The following HACE1 variants were observed in gnomAD, a reference collection of about 807,000 sequenced individuals.
HACE1 encodes the protein E3 ubiquitin-protein ligase HACE1.
A neutral mutation model predicts 118.4 loss-of-function variants in HACE1; 73 were observed. The ratio of observed to expected loss-of-function variants is 0.62; its 90% CI spans 0.51 to 0.75. The LOEUF is 0.75. HACE1 is among the 30% of genes least tolerant of loss of function. HACE1 has a pLI of 0.00. For missense variants in HACE1, 749 were observed against 1,102.2 expected (o/e 0.68, Z 4.54); for synonymous variants, 368 against 374.8 (o/e 0.98, Z 0.21).
chr6:104,827,902 T>C (rs1250060047), intron 6 of HACE1, among the ~76,000 whole-genome samples: 4 of 152,148 alleles, frequency 2.6e-5, no homozygotes, highest in Non-Finnish European at 5.9e-5. Context: ...TGAAGCTTTG[T>C]ATTTAGTTAC....
chr6:104,850,642 G>T (rs1327700935), intron 3 of HACE1, among the ~76,000 whole-genome samples: 1 of 152,182 alleles, frequency 6.6e-6, no homozygotes, highest in Non-Finnish European at 1.5e-5. Flanking sequence ...GTACCAGTAA[G>T]TACATCCAGG....
At position 104,859,854 on chromosome 6, in the gene HACE1, C is replaced by A; in HGVS notation, c.-212G>T. 3 of 502,688 alleles carry A rather than the reference C, an allele frequency of 6.0e-6. No individual in the cohort carries two copies. The South Asian group carries it at 7.8e-5, about 13-fold the overall frequency. 31.1% of individuals were successfully genotyped at this position (502,688 alleles called of 1,614,324 possible). On this transcript the variant is annotated 5_prime_UTR_variant, in exon 1 of 24. Transcript: ENST00000262903. Reference sequence around the variant, plus strand: ...CGACCACCTACAGTACACCCGCCGCCGCCTCTGCTCGCGCCTTTCCTGCAG... The same window carrying A: ...CGACCACCTACAGTACACCCGCCGCAGCCTCTGCTCGCGCCTTTCCTGCAG...
At chr6:104,830,363 C>T (rs912427738) in intron 6 of HACE1, among the ~76,000 whole-genome samples, 14 of 152,010 alleles carry the variant, frequency 9.2e-5, no homozygotes, top group African/African-American at 3.4e-4. Flanking sequence ...TACTTGAAAA[C>T]ACTGCATTGG....
At chr6:104,820,140 A>C (rs1772544219) in intron 6 of HACE1, among the ~76,000 whole-genome samples, 1 of 150,168 alleles carries the variant, frequency 6.7e-6, no homozygotes, top group Non-Finnish European at 1.5e-5. Flanking sequence ...GTTTGCAGTG[A>C]GCCGAGATTG....
chr6:104,732,791 CA>C (rs1212008037), intron 22 of HACE1, among the ~76,000 whole-genome samples: 1 of 152,136 alleles, frequency 6.6e-6, no homozygotes, highest in East Asian at 1.9e-4. Context: ...GGGAAAAAAA[CA>C]TTTAACAATC....
chr6:104,796,747 C>T lies in HACE1; in HGVS notation c.724G>A (p.Gly242Arg). The change falls in exon 9 of 24, where the codon GGA becomes AGA. Residue 242 changes from glycine (G) to arginine (R), a missense_variant. By Grantham distance (125) the Gly-to-Arg change is moderately radical (BLOSUM62 -2). Around this residue, in one of 5 missense-constraint regions of HACE1, gnomAD observed 267 missense variants for 312.2 expected, o/e 0.86. Transcript: ENST00000262903. ...PLDLCVQGGY[G>R]ETCEVLIQYH... ...TGAATTAATACTTCACAAGTCTCTC[C>T]ATATCCACCCTAAAAACAAGATCTA... 1 of 1,556,140 alleles carries T rather than the reference C, an allele frequency of 6.4e-7. No homozygotes were observed. The highest frequency in any genetic ancestry group is 8.9e-7 in the Non-Finnish European group (1 of 1,128,164).
intron 1 of HACE1, chr6:104,859,290 CCCTAATCGACAGACGTTGCGAGA>C (rs1298562357): frequency 2.3e-6 from 1 of 430,338 alleles, no homozygotes. Flanking sequence ...TTGCCAAGAC[CCCTAATCGACAGACGTTGCGAGA>C]CCTTTGTCTC....
intron 22 of HACE1, among the ~76,000 whole-genome samples, chr6:104,741,820 C>T (rs1243736197): frequency 6.8e-6 from 1 of 147,778 alleles, no homozygotes; most frequent in Non-Finnish European, 1.5e-5. Context: ...CTTTAAAGTT[C>T]ATATGGAACC....
chr6:104,838,537 T>C (rs967644543), intron 5 of HACE1, among the ~76,000 whole-genome samples: 1 of 152,048 alleles, frequency 6.6e-6, no homozygotes, highest in Non-Finnish European at 1.5e-5. Context: ...CCTATATCTC[T>C]TGCCATATAC....
chr6:104,844,560 G>C (rs1775454042), intron 4 of HACE1, among the ~76,000 whole-genome samples: 1 of 150,602 alleles, frequency 6.6e-6, no homozygotes, highest in African/African-American at 2.5e-5. Context: ...GGACAGGCTG[G>C]TCTTGAACTC....
intron 7 of HACE1, among the ~76,000 whole-genome samples, chr6:104,801,973 G>A (rs1380540499): frequency 2.2e-5 from 3 of 133,446 alleles, no homozygotes; most frequent in Non-Finnish European, 3.1e-5. Context: ...CTCACCTGCA[G>A]AAACACACAT....
chr6:104,855,582 ATATTTC>A (rs1776642966), intron 1 of HACE1, among the ~76,000 whole-genome samples: 1 of 152,154 alleles, frequency 6.6e-6, no homozygotes, highest in Non-Finnish European at 1.5e-5. Flanking sequence ...TTATCCTCTT[ATATTTC>A]TTTTTTTAAA....
intron 7 of HACE1, among the ~76,000 whole-genome samples, chr6:104,809,726 A>G (rs1279257626): frequency 6.6e-6 from 1 of 150,984 alleles, no homozygotes. Flanking sequence ...CATAGGAATC[A>G]GGGAGACCAG....
intron 1 of HACE1, among the ~76,000 whole-genome samples, chr6:104,852,836 T>A (rs933652744): frequency 1.3e-5 from 2 of 152,182 alleles, no homozygotes; most frequent in African/African-American, 4.8e-5. Context: ...ATTAAATATA[T>A]ATATGCTAAA....
chr6:104,742,399 C>T (rs1776849867), intron 22 of HACE1, among the ~76,000 whole-genome samples: 2 of 149,086 alleles, frequency 1.3e-5, no homozygotes, highest in Non-Finnish European at 3.0e-5. Context: ...AGAAAATTTT[C>T]ACAACCTACT....
intron 7 of HACE1, among the ~76,000 whole-genome samples, chr6:104,799,426 T>C (rs1770050130): frequency 2.0e-5 from 3 of 152,226 alleles, no homozygotes; most frequent in African/African-American, 7.2e-5. Flanking sequence ...GCTCATTACT[T>C]ACAAATTGCT....
At chr6:104,744,658 A>G in intron 20 of HACE1, 48 bp from the exon 21 acceptor site, 1 of 1,084,812 alleles carries the variant, frequency 9.2e-7, no homozygotes, top group African/African-American at 1.6e-5. Context: ...TAGGGAAAAA[A>G]GTTATTATAT....
At chr6:104,849,101 G>T in intron 4 of HACE1, 41 bp downstream of exon 4, 1 of 1,106,910 alleles carries the variant, frequency 9.0e-7, no homozygotes, top group Non-Finnish European at 1.4e-6. Context: ...TTGAATAACT[G>T]ATAATACAAC....
Position 104,859,610 on chromosome 6 carries a change from C to T in HACE1, c.33G>A (p.Leu11=), listed in dbSNP as rs746616581. The T allele has an allele frequency of 7.8e-6, 12 of 1,530,978 alleles. No individual in the cohort carries two copies. The South Asian group carries it at 1.5e-4, about 18-fold the overall frequency. The allele number at this position is 1,530,978 out of a possible 1,614,324, so 94.8% of individuals were successfully genotyped here. ...TGCGCGCGCGGCGCAGCGAGCGCGT[C>T]AGGCGGTTGAGTTGCTCCATCGCTC... MERAMEQLNR[L]TRSLRRARTV... The change falls in exon 1 of 24, where the codon CTG becomes CTA. Residue 11 remains leucine (L), a synonymous_variant. Transcript: ENST00000262903.
Sources: gnomAD v4.1 joint callset for allele counts (sites outside exome capture counted in the v4.1 genomes callset) on GRCh38, gnomAD v4.1.1 for gene constraint, gnomAD v4.1.1 regional missense constraint, MANE v1.5 for transcripts, NCBI Gene and HGNC (gene_info 2026-07-23, HGNC 2026-07-21) for gene names.